Variants in SLC44A5 observed in about 807,000 individuals in gnomAD.
SLC44A5 encodes the protein solute carrier family 44 member 5.
A neutral mutation model predicts 101.8 loss-of-function variants in SLC44A5; 57 were observed. The observed-to-expected ratio is 0.56, with a 90% confidence interval of 0.45 to 0.70. The LOEUF is 0.70. SLC44A5 is among the 30% of genes least tolerant of loss of function. The pLI is 0.00. For synonymous variants in SLC44A5, 281 were observed against 290.9 expected (o/e 0.97, Z 0.35); for missense variants, 737 against 853.1 (o/e 0.86, Z 1.70).
chr1:75,568,744 A>G (rs1672916564), intron 1 of SLC44A5, among the ~76,000 whole-genome samples: 1 of 152,184 alleles, frequency 6.6e-6, no homozygotes, highest in Non-Finnish European at 1.5e-5. Flanking sequence ...CCTTACCTAC[A>G]TCATTCTATT....
In SLC44A5 at chr1:75,311,337, G is replaced by A. The variant is rs187841115; in HGVS notation, c.102-10652C>T. ...TCACCATGTTGGCCACGCTGGTCTC[G>A]AACTCCTGACTTCAGGTGATCTGCT... On this transcript the variant is annotated intron_variant, in intron 4 of 23. Transcript: ENST00000370859. Among the ~76,000 whole-genome samples the A allele has an allele frequency of 7.0e-3, 1,061 of 152,196 alleles. 17 individuals carry two copies. The highest frequency in any genetic ancestry group is 0.024 in the African/African-American group (1,001 of 41,522).
intron 4 of SLC44A5, among the ~76,000 whole-genome samples, chr1:75,322,542 A>G (rs1190979133): frequency 6.6e-6 from 1 of 152,126 alleles, no homozygotes; most frequent in Non-Finnish European, 1.5e-5. Flanking sequence ...AATTTAGGAG[A>G]CATTCTTAGG....
intron 13 of SLC44A5, among the ~76,000 whole-genome samples, chr1:75,225,528 C>T (rs907586055): frequency 1.3e-5 from 2 of 152,014 alleles, no homozygotes; most frequent in Admixed American, 1.3e-4. Context: ...GAGACTGGCA[C>T]CTGGGGGCTA....
At chr1:75,250,153 A>T (rs1649440169) in intron 7 of SLC44A5, among the ~76,000 whole-genome samples, 1 of 151,260 alleles carries the variant, frequency 6.6e-6, no homozygotes, top group Non-Finnish European at 1.5e-5. Context: ...TTCTCCTCCC[A>T]CCCTTCACCT....
At chr1:75,204,291 C>T (rs1341722485) in intron 23 of SLC44A5, among the ~76,000 whole-genome samples, 2 of 152,088 alleles carry the variant, frequency 1.3e-5, no homozygotes, top group Non-Finnish European at 2.9e-5. Context: ...TGGTTTTTCA[C>T]AGTTTTTAGT....
the SLC44A5 span, among the ~76,000 whole-genome samples, chr1:75,679,286 G>C: frequency 6.6e-6 from 1 of 152,160 alleles, no homozygotes; most frequent in Admixed American, 6.5e-5. Context: ...TCCTCGAGAA[G>C]AGCAACTCCA....
In SLC44A5 at chr1:75,237,011, G is replaced by T. The variant is rs747070826; in HGVS notation, c.716C>A (p.Ala239Glu). The part of the protein sequence containing the change: ...SLGLKVFEDY[A>E]RTWYWILIGL... ...CATGAGAATCCAATACCAAGTTCTT[G>T]CATAGTCTTCAAACACTTTCAATCC... The change falls in exon 11 of 24, where the codon GCA becomes GAA. Residue 239 changes from alanine (A) to glutamate (E), a missense_variant. Ala to Glu is a moderately radical substitution (Grantham distance 107). Around this residue, in one of 3 missense-constraint regions of SLC44A5, gnomAD observed 665 missense variants for 764.4 expected, o/e 0.87. Coordinates refer to ENST00000370859, the MANE Select transcript of SLC44A5 (RefSeq NM_001130058.2). 2 of 1,599,584 alleles carry T rather than the reference G, an allele frequency of 1.3e-6. No homozygotes were observed. Among genetic ancestry groups the T allele is most frequent in the South Asian group, 2.2e-5 (2 of 89,776 alleles).
At chr1:75,276,688 G>T (rs1380968297) in intron 5 of SLC44A5, among the ~76,000 whole-genome samples, 1 of 152,142 alleles carries the variant, frequency 6.6e-6, no homozygotes, top group Non-Finnish European at 1.5e-5. Context: ...CTTAGTTCTT[G>T]TCTTATTTGG....
intron 2 of SLC44A5, among the ~76,000 whole-genome samples, chr1:75,406,706 G>A (rs949990354): frequency 2.0e-5 from 3 of 151,972 alleles, no homozygotes; most frequent in Non-Finnish European, 4.4e-5. Flanking sequence ...TTGATGGAAC[G>A]TATCTCAAAA....
intron 5 of SLC44A5, among the ~76,000 whole-genome samples, chr1:75,288,093 C>T (rs900785147): frequency 4.0e-5 from 6 of 151,730 alleles, no homozygotes; most frequent in African/African-American, 1.5e-4. Flanking sequence ...CACAGAGCCT[C>T]AGCAGCAAGC....
At chr1:75,280,478 G>GTATATATTA (rs1173326565) in intron 5 of SLC44A5, among the ~76,000 whole-genome samples, 1 of 100,328 alleles carries the variant, frequency 1.0e-5, no homozygotes, top group Non-Finnish European at 1.9e-5. Flanking sequence ...ATATATAATT[G>GTATATATTA]TATATATTAT....
At chr1:75,411,374 A>G (rs534672825) in intron 2 of SLC44A5, among the ~76,000 whole-genome samples, 3 of 152,254 alleles carry the variant, frequency 2.0e-5, no homozygotes, top group African/African-American at 7.2e-5. Context: ...AAGGTTATGT[A>G]ATCTTCACAT....
intron 2 of SLC44A5, among the ~76,000 whole-genome samples, chr1:75,533,703 C>T (rs1670846579): frequency 6.6e-6 from 1 of 152,172 alleles, no homozygotes; most frequent in Admixed American, 6.5e-5. Context: ...TGTAAAAACT[C>T]TTTGTCTTCC....
At chr1:75,393,025 G>T (rs1434803392) in intron 3 of SLC44A5, among the ~76,000 whole-genome samples, 1 of 152,004 alleles carries the variant, frequency 6.6e-6, no homozygotes, top group African/African-American at 2.4e-5. Context: ...TGGGGACAAG[G>T]GTTGAAAATC....
At chr1:75,314,871 G>A (rs1445546276) in intron 4 of SLC44A5, among the ~76,000 whole-genome samples, 1 of 152,110 alleles carries the variant, frequency 6.6e-6, no homozygotes, top group South Asian at 2.1e-4. Context: ...ATTAATTTTA[G>A]GTAGTTGAAC....
At chr1:75,531,260 CCAAA>C (rs1164876504) in intron 2 of SLC44A5, among the ~76,000 whole-genome samples, 1 of 152,186 alleles carries the variant, frequency 6.6e-6, no homozygotes, top group Non-Finnish European at 1.5e-5. Context: ...CTGCTTTCTG[CCAAA>C]CATTTTTAAA....
chr1:75,330,108 C>T (rs6680003), intron 4 of SLC44A5, among the ~76,000 whole-genome samples: 57,615 of 122,864 alleles, frequency 0.47, 11,784 homozygotes, highest in East Asian at 0.82. Flanking sequence ...TATATATATA[C>T]ACACACACAC....
At chr1:75,558,854 T>C (rs1323885564) in intron 1 of SLC44A5, among the ~76,000 whole-genome samples, 1 of 152,064 alleles carries the variant, frequency 6.6e-6, no homozygotes, top group Non-Finnish European at 1.5e-5. Context: ...ACAGGTAAAA[T>C]AACTTATTAT....
intron 6 of SLC44A5, among the ~76,000 whole-genome samples, chr1:75,270,291 T>C (rs1333924406): frequency 6.6e-6 from 1 of 152,108 alleles, no homozygotes; most frequent in Non-Finnish European, 1.5e-5. Context: ...CTTATTAAAA[T>C]TTTAAATTAA....
Sources: allele counts gnomAD v4.1 joint callset (sites outside exome capture counted in the v4.1 genomes callset), GRCh38; gene constraint gnomAD v4.1.1; regional missense constraint gnomAD v4.1.1; transcripts MANE v1.5; gene names NCBI Gene and HGNC (gene_info 2026-07-23, HGNC 2026-07-21).